The following NRXN1 variants were observed in gnomAD, a reference collection of about 807,000 sequenced individuals.
The protein encoded by NRXN1 is neurexin 1.
A neutral mutation model predicts 150.9 loss-of-function variants in NRXN1; 39 were observed. That is an observed-to-expected ratio of 0.26 (90% CI 0.20 to 0.34). The LOEUF (loss-of-function observed/expected upper bound fraction) is 0.34, where lower values mean the gene tolerates loss of function less well. Ranked by LOEUF, NRXN1 falls within the 10% of genes least tolerant of loss-of-function variation. NRXN1 has a pLI of 1.00. For missense variants in NRXN1, 1,815 were observed against 1,949.9 expected, an observed-to-expected ratio of 0.93 and a Z score of 1.30; for synonymous variants, 924 against 757.0, an observed-to-expected ratio of 1.22 and a Z score of -3.62.
At chr2:49,975,410 G>C (rs917563862) in intron 21 of NRXN1, among the ~76,000 whole-genome samples, 11 of 152,030 alleles carry the variant, frequency 7.2e-5, no homozygotes, top group African/African-American at 2.7e-4. Flanking sequence ...AATAAACATT[G>C]ATAGGTGTGC....
At chr2:50,204,864 A>G (rs571091498) in intron 18 of NRXN1, among the ~76,000 whole-genome samples, 1 of 152,074 alleles carries the variant, frequency 6.6e-6, no homozygotes, top group Non-Finnish European at 1.5e-5. Context: ...CAAGAGTTTT[A>G]GTTCCAGTTA....
At chr2:50,240,206 CA>C (rs1213299668) in intron 17 of NRXN1, among the ~76,000 whole-genome samples, 1 of 151,496 alleles carries the variant, frequency 6.6e-6, no homozygotes, top group Non-Finnish European at 1.5e-5. Context: ...CAAAACAAAG[CA>C]AAAAAATCGC....
chr2:49,924,961 G>A (rs972148583), intron 22 of NRXN1, among the ~76,000 whole-genome samples: 4 of 152,156 alleles, frequency 2.6e-5, no homozygotes, highest in African/African-American at 9.7e-5. Flanking sequence ...TGAAGGCTAA[G>A]TGAAATTTTT....
intron 21 of NRXN1, among the ~76,000 whole-genome samples, chr2:49,997,878 G>T (rs573133135): frequency 7.9e-5 from 12 of 152,206 alleles, no homozygotes; most frequent in African/African-American, 2.9e-4. Context: ...TTCACATAGG[G>T]AAAGGAGGCA....
intron 17 of NRXN1, among the ~76,000 whole-genome samples, chr2:50,382,815 T>A (rs2081065983): frequency 6.6e-6 from 1 of 151,806 alleles, no homozygotes; most frequent in African/African-American, 2.4e-5. Context: ...GAATCTTGAT[T>A]CTAATGAAAA....
chr2:50,453,522 C>A (rs915127282), intron 17 of NRXN1, among the ~76,000 whole-genome samples: 3 of 152,174 alleles, frequency 2.0e-5, no homozygotes, highest in African/African-American at 7.2e-5. Context: ...TGTCACTATA[C>A]TCATCACCTA....
At chr2:49,925,814 TG>T (rs1669012726) in intron 22 of NRXN1, among the ~76,000 whole-genome samples, 1 of 149,464 alleles carries the variant, frequency 6.7e-6, no homozygotes, top group Non-Finnish European at 1.5e-5. Flanking sequence ...GAGAATAACT[TG>T]TTAAAAAAGA....
intron 21 of NRXN1, among the ~76,000 whole-genome samples, chr2:49,973,602 T>C (rs891586018): frequency 7.3e-5 from 11 of 150,142 alleles, no homozygotes; most frequent in African/African-American, 2.7e-4. Flanking sequence ...TTAATACATA[T>C]ATACATACAT....
At chr2:50,691,822 C>G (rs1265716068) in intron 5 of NRXN1, among the ~76,000 whole-genome samples, 1 of 152,172 alleles carries the variant, frequency 6.6e-6, no homozygotes, top group East Asian at 1.9e-4. Flanking sequence ...CATTCACTTT[C>G]TCTCTCTGAA....
intron 2 of NRXN1, among the ~76,000 whole-genome samples, chr2:50,926,705 T>C (rs374222569): frequency 5.3e-5 from 8 of 152,054 alleles, no homozygotes; most frequent in Admixed American, 5.3e-4. Flanking sequence ...CTGTTGAGGA[T>C]GTGAATATGA....
At chr2:50,921,691 G>A (rs1284414126) in intron 5 of NRXN1, among the ~76,000 whole-genome samples, 178 bp downstream of exon 5, 9 of 151,570 alleles carry the variant, frequency 5.9e-5, no homozygotes, top group Non-Finnish European at 8.9e-5. Context: ...GGGTGGGGGC[G>A]AAAATGGAAA....
At chr2:51,001,726 A>G (rs1001190850) in intron 2 of NRXN1, among the ~76,000 whole-genome samples, 1 of 151,994 alleles carries the variant, frequency 6.6e-6, no homozygotes, top group Admixed American at 6.6e-5. Flanking sequence ...GATAGGAAAA[A>G]TAAAATTTTA....
At chr2:50,636,256 A>G (rs1032437692) in intron 5 of NRXN1, among the ~76,000 whole-genome samples, 8 of 152,044 alleles carry the variant, frequency 5.3e-5, no homozygotes. Flanking sequence ...CTATTTATTT[A>G]TTTTTTTATT....
At chr2:50,920,821 G>A (rs959538901) in intron 5 of NRXN1, among the ~76,000 whole-genome samples, 1 of 151,704 alleles carries the variant, frequency 6.6e-6, no homozygotes, top group Non-Finnish European at 1.5e-5. Flanking sequence ...TATGTTGTTG[G>A]ATCAAAGTAT....
rs72878391 is a variant in NRXN1 at position 50,487,344 on chromosome 2, A to G, written c.3070+8561T>C. 3.2e-3 allele frequency among the ~76,000 whole-genome samples: 480 copies of G among 152,270 alleles called. 3 individuals are homozygous for G. The highest frequency in any genetic ancestry group is 0.011 in the African/African-American group (465 of 41,558). On this transcript the variant is annotated intron_variant, in intron 15 of 22. Transcript: ENST00000401669. The stretch of plus-strand genomic sequence containing the variant: ...CTTGTATTGTCCTTACGAACAACCA[A>G]AATAATTAATTGCAAAGGCCAAAAA...
intron 17 of NRXN1, among the ~76,000 whole-genome samples, chr2:50,392,790 C>A (rs2081811358): frequency 6.6e-6 from 1 of 152,044 alleles, no homozygotes; most frequent in South Asian, 2.1e-4. Flanking sequence ...TATATCAGGA[C>A]TGCTAACTAG....
chr2:49,993,542 C>T (rs1682385046), intron 21 of NRXN1, among the ~76,000 whole-genome samples: 1 of 152,086 alleles, frequency 6.6e-6, no homozygotes, highest in Non-Finnish European at 1.5e-5. Context: ...TAACCTCTGG[C>T]CTTTGGTTGA....
At chr2:50,854,784 G>A (rs1018282805) in intron 5 of NRXN1, among the ~76,000 whole-genome samples, 5 of 151,874 alleles carry the variant, frequency 3.3e-5, no homozygotes, top group Non-Finnish European at 5.9e-5. Context: ...AGCTAATTCA[G>A]GCACAAGGGA....
rs575467312 is a variant in NRXN1, at chr2:50,759,711, G to T, written c.833-136096C>A. Among the ~76,000 whole-genome samples the T allele has an allele frequency of 2.2e-4, 34 of 151,934 alleles. No individual in the cohort carries two copies. In the South Asian group the frequency reaches 7.1e-3, roughly 32 times the overall value. The stretch of plus-strand genomic sequence containing the variant: ...TGGTTAAGGACATGAGGGTAAATAT[G>T]CTTATGCTATTCCATTTTATGGATA... On this transcript the variant is annotated intron_variant, in intron 5 of 22. Coordinates refer to ENST00000401669, the MANE Select transcript of NRXN1 (RefSeq NM_001330078.2).
Sources: allele counts gnomAD v4.1 joint callset (sites outside exome capture counted in the v4.1 genomes callset), GRCh38; gene constraint gnomAD v4.1.1; transcripts MANE v1.5; gene names NCBI Gene and HGNC (gene_info 2026-07-23, HGNC 2026-07-21).